ST18: variants seen among roughly 807,000 people sequenced by gnomAD.
ST18 encodes suppression of tumorigenicity 18 protein.
ST18 carries 50 observed loss-of-function variants against 110.0 expected under a neutral mutation model. The ratio of observed to expected loss-of-function variants is 0.45; its 90% CI spans 0.36 to 0.58. The LOEUF is 0.58. ST18 is among the 20% of genes least tolerant of loss of function. ST18 has a pLI of 0.00. For synonymous variants in ST18, 461 were observed against 452.4 expected (o/e 1.02, Z -0.24); for missense variants, 1,306 against 1,280.1 (o/e 1.02, Z -0.31).
chr8:52,393,366 GC>G (rs1839948572), intron 2 of ST18, among the ~76,000 whole-genome samples: 1 of 152,122 alleles, frequency 6.6e-6, no homozygotes. Flanking sequence ...TAACGCATGT[GC>G]AGCCAGCATC....
chr8:52,169,071 A>G (rs1006481248), intron 10 of ST18, among the ~76,000 whole-genome samples: 2 of 152,100 alleles, frequency 1.3e-5, no homozygotes, highest in African/African-American at 4.8e-5. Flanking sequence ...GGTGCTAGAG[A>G]TAAGGCAGCC....
chr8:52,322,336 A>G (rs190645434), intron 2 of ST18, among the ~76,000 whole-genome samples: 2 of 152,300 alleles, frequency 1.3e-5, no homozygotes, highest in African/African-American at 4.8e-5. Flanking sequence ...TACTTAAGCT[A>G]GTTCAGATTG....
chr8:52,125,962 A>G (rs1586389915), intron 23 of ST18, 90 bp downstream of exon 23: 1 of 930,368 alleles, frequency 1.1e-6, no homozygotes, highest in Non-Finnish European at 1.6e-6. Context: ...TATGCTTCCC[A>G]CCTAGAGAAT....
intron 2 of ST18, among the ~76,000 whole-genome samples, chr8:52,315,164 C>T (rs796947613): frequency 6.6e-6 from 1 of 152,170 alleles, no homozygotes; most frequent in Non-Finnish European, 1.5e-5. Flanking sequence ...TTAATTATAT[C>T]CTATTTCCAC....
chr8:52,211,713 TTATCCATC>T (rs1437205333), intron 8 of ST18, among the ~76,000 whole-genome samples: 1 of 152,064 alleles, frequency 6.6e-6, no homozygotes, highest in Non-Finnish European at 1.5e-5. Context: ...AGGATCTGGG[TTATCCATC>T]AGTCAGGTTC....
chr8:52,231,585 T>G (rs929188322), intron 2 of ST18, among the ~76,000 whole-genome samples: 3 of 152,170 alleles, frequency 2.0e-5, no homozygotes, highest in Non-Finnish European at 4.4e-5. Flanking sequence ...CAAGTGATTC[T>G]TCTGCCTCAG....
chr8:52,234,986 G>T (rs2092397506), intron 2 of ST18, among the ~76,000 whole-genome samples: 1 of 151,972 alleles, frequency 6.6e-6, no homozygotes, highest in Admixed American at 6.6e-5. Context: ...AGAGGGTAAG[G>T]AATAAAAGAC....
chr8:52,278,243 A>G lies in ST18; in HGVS notation c.-464-48166T>C, dbSNP rs970229089. 2.0e-5 allele frequency among the ~76,000 whole-genome samples: 3 copies of G among 152,182 alleles called. No homozygotes were observed. In the South Asian group the frequency reaches 6.2e-4, roughly 32 times the overall value. On this transcript the variant is annotated intron_variant, in intron 2 of 25. Coordinates refer to ENST00000689386, the MANE Select transcript of ST18 (RefSeq NM_001352837.2). ...CCTGACATCATACGTTCTGGGAAAGAGCTTTCTTCACAGAGGATGATAAGG... is the reference window on the plus strand; with the variant it reads ...CCTGACATCATACGTTCTGGGAAAGGGCTTTCTTCACAGAGGATGATAAGG...
At chr8:52,173,551 G>A (rs966326290) in intron 9 of ST18, among the ~76,000 whole-genome samples, 5 of 152,174 alleles carry the variant, frequency 3.3e-5, no homozygotes, top group Admixed American at 6.5e-5. Context: ...ACAACAATGA[G>A]CCTACCCAAG....
At position 52,348,907 on chromosome 8, in the gene ST18, C is replaced by T. The variant is rs1475406984; in HGVS notation, c.-465+60421G>A. ...ACTGTCTTAGCATTTTCCAAGGATG[C>T]AATGTATTTACAATACCATATTGTA... is the stretch of plus-strand genomic sequence containing the variant. On this transcript the variant is annotated intron_variant, in intron 2 of 25. Coordinates refer to ENST00000689386, the MANE Select transcript of ST18 (RefSeq NM_001352837.2). Among the ~76,000 whole-genome samples, 4 of 152,116 alleles carry T rather than the reference C, an allele frequency of 2.6e-5. No homozygotes were observed. In the East Asian group the frequency reaches 7.7e-4, roughly 29 times the overall value.
At chr8:52,333,270 A>G (rs933857008) in intron 2 of ST18, among the ~76,000 whole-genome samples, 1 of 151,788 alleles carries the variant, frequency 6.6e-6, no homozygotes, top group African/African-American at 2.4e-5. Flanking sequence ...TAATCATTCT[A>G]CTAAATAAGA....
chr8:52,180,580 A>G (rs2069023500), intron 8 of ST18, among the ~76,000 whole-genome samples: 1 of 152,004 alleles, frequency 6.6e-6, no homozygotes, highest in African/African-American at 2.4e-5. Flanking sequence ...TTGGCACTAC[A>G]CTAAATACCC....
chr8:52,181,210 G>T (rs545617318), intron 8 of ST18, among the ~76,000 whole-genome samples: 2 of 152,254 alleles, frequency 1.3e-5, no homozygotes, highest in African/African-American at 4.8e-5. Flanking sequence ...AAAATGTGGA[G>T]CTTTAGATGA....
At chr8:52,163,962 G>A (rs2062134504) in intron 13 of ST18, 24 bp downstream of exon 13, 1 of 1,580,846 alleles carries the variant, frequency 6.3e-7, no homozygotes, top group Non-Finnish European at 8.7e-7. Flanking sequence ...AGAGAGCACT[G>A]AGAACATCGT....
intron 2 of ST18, among the ~76,000 whole-genome samples, chr8:52,355,794 G>T (rs778518251): frequency 2.6e-5 from 4 of 152,180 alleles, no homozygotes; most frequent in Non-Finnish European, 5.9e-5. Context: ...AGCAATACAG[G>T]CATTATTATC....
At chr8:52,377,318 T>C (rs1004805624) in intron 2 of ST18, among the ~76,000 whole-genome samples, 1 of 152,208 alleles carries the variant, frequency 6.6e-6, no homozygotes. Flanking sequence ...ACTGATTTAG[T>C]ACAACACAAC....
chr8:52,276,113 C>T (rs1368300993), intron 2 of ST18, among the ~76,000 whole-genome samples: 95 of 6,520 alleles, frequency 0.015, no homozygotes, highest in Non-Finnish European at 0.022. Context: ...AAACACACAC[C>T]GCACCTATCA....
chr8:52,172,712 C>T, intron 9 of ST18, 129 bp from the exon 10 acceptor site: 5 of 592,710 alleles, frequency 8.4e-6, no homozygotes, highest in South Asian at 5.9e-5. Flanking sequence ...TATATGTACA[C>T]ATATACATAC....
chr8:52,240,901 G>A (rs1340426356), intron 2 of ST18, among the ~76,000 whole-genome samples: 3 of 152,070 alleles, frequency 2.0e-5, no homozygotes, highest in Admixed American at 6.6e-5. Flanking sequence ...CTTCATCCCA[G>A]GTCTCACTCC....
Sources: allele counts gnomAD v4.1 joint callset (sites outside exome capture counted in the v4.1 genomes callset), GRCh38; gene constraint gnomAD v4.1.1; transcripts MANE v1.5; gene names NCBI Gene and HGNC (gene_info 2026-07-23, HGNC 2026-07-21).